COX7B2: variants seen among roughly 807,000 people sequenced by gnomAD.
The protein encoded by COX7B2 is cytochrome c oxidase subunit 7B2, mitochondrial.
For missense variants in COX7B2, 109 were observed against 95.9 expected, an observed-to-expected ratio of 1.14 and a Z score of -0.57; for synonymous variants, 37 against 32.1, an observed-to-expected ratio of 1.15 and a Z score of -0.51.
intron 2 of COX7B2, among the ~76,000 whole-genome samples, chr4:46,794,365 A>G (rs73139397): frequency 0.024 from 3,629 of 152,236 alleles, 132 homozygotes; most frequent in African/African-American, 0.083. Flanking sequence ...GGACCAAAAG[A>G]TGGTACACAG....
chr4:46,741,442 G>A (rs1714701653), intron 2 of COX7B2, among the ~76,000 whole-genome samples: 2 of 151,980 alleles, frequency 1.3e-5, no homozygotes, highest in South Asian at 4.1e-4. Flanking sequence ...CTTGCTAAAT[G>A]TTACCTAGGG....
chr4:46,900,302 C>A (rs1366739130), intron 1 of COX7B2, among the ~76,000 whole-genome samples: 2 of 152,154 alleles, frequency 1.3e-5, no homozygotes, highest in African/African-American at 4.8e-5. Context: ...TACCAAAGTG[C>A]TGGAGTTAGG....
chr4:46,816,333 G>A (rs116368473), intron 2 of COX7B2, among the ~76,000 whole-genome samples: 1,677 of 151,930 alleles, frequency 0.011, 20 homozygotes, highest in Middle Eastern at 0.041. Context: ...CTGTTCTCTC[G>A]GCCTTGAATG....
At chr4:46,816,385 A>G (rs930193256) in intron 2 of COX7B2, among the ~76,000 whole-genome samples, 13 of 152,138 alleles carry the variant, frequency 8.5e-5, no homozygotes, top group Non-Finnish European at 2.9e-5. Flanking sequence ...TCTAATGGCC[A>G]CTAAAATGCG....
rs114966496 is a variant in COX7B2 at position 46,773,704 on chromosome 4, G to T, written c.-49-38463C>A. ...TTGCTGGAATTTGAGCTGGGCTTCT[G>T]GATCTAATTTTTTAGAAAGAAGCTG... On this transcript the variant is annotated intron_variant, in intron 2 of 2. Transcript: ENST00000355591. Among the ~76,000 whole-genome samples the T allele has an allele frequency of 4.8e-3, 734 of 152,090 alleles. 10 individuals carry two copies. Among genetic ancestry groups the T allele is most frequent in the African/African-American group, 0.016 (682 of 41,502 alleles).
chr4:46,831,396 C>T (rs1449512824), intron 2 of COX7B2, among the ~76,000 whole-genome samples: 1 of 152,150 alleles, frequency 6.6e-6, no homozygotes, highest in African/African-American at 2.4e-5. Flanking sequence ...CTCCACGGCA[C>T]CCTGTCCCAT....
intron 1 of COX7B2, among the ~76,000 whole-genome samples, chr4:46,889,913 T>TC (rs1314707823): frequency 6.7e-6 from 1 of 150,142 alleles, no homozygotes; most frequent in East Asian, 1.9e-4. Context: ...TTTTTTTTTT[T>TC]CCTAATGTTT....
intron 2 of COX7B2, among the ~76,000 whole-genome samples, chr4:46,817,539 T>G (rs1719617680): frequency 6.6e-6 from 1 of 152,230 alleles, no homozygotes; most frequent in African/African-American, 2.4e-5. Flanking sequence ...ACCCTTTAAT[T>G]GGGCAACTTT....
chr4:46,760,251 T>A (rs181591284), intron 2 of COX7B2, among the ~76,000 whole-genome samples: 3 of 152,168 alleles, frequency 2.0e-5, no homozygotes, highest in Non-Finnish European at 4.4e-5. Context: ...TAAAGACACA[T>A]GAATACATAT....
chr4:46,770,945 C>T (rs919979559), intron 2 of COX7B2, among the ~76,000 whole-genome samples: 2 of 152,052 alleles, frequency 1.3e-5, no homozygotes, highest in Non-Finnish European at 2.9e-5. Flanking sequence ...CCCAAAAGCA[C>T]AGGCAATAAA....
intron 2 of COX7B2, among the ~76,000 whole-genome samples, chr4:46,780,556 A>G (rs1036988341): frequency 6.6e-6 from 1 of 152,190 alleles, no homozygotes; most frequent in Non-Finnish European, 1.5e-5. Context: ...CTGCTATCAG[A>G]TCCCTAACTA....
chr4:46,849,497 T>C (rs1200763761), intron 1 of COX7B2, among the ~76,000 whole-genome samples: 1 of 152,106 alleles, frequency 6.6e-6, no homozygotes, highest in Non-Finnish European at 1.5e-5. Flanking sequence ...TAATGGATAG[T>C]ATATGCTCAA....
At chr4:46,769,771 GA>G (rs1716764329) in intron 2 of COX7B2, among the ~76,000 whole-genome samples, 2 of 151,880 alleles carry the variant, frequency 1.3e-5, no homozygotes. Flanking sequence ...CTTAAATGCA[GA>G]AAAAAATTTT....
chr4:46,824,296 A>G (rs906245040), intron 2 of COX7B2, among the ~76,000 whole-genome samples: 1 of 152,086 alleles, frequency 6.6e-6, no homozygotes, highest in Non-Finnish European at 1.5e-5. Flanking sequence ...AGGAGGAGGG[A>G]CTCTTGCTCA....
At chr4:46,842,760 C>CA (rs1716019988) in intron 2 of COX7B2, among the ~76,000 whole-genome samples, 1 of 152,098 alleles carries the variant, frequency 6.6e-6, no homozygotes, top group Non-Finnish European at 1.5e-5. Flanking sequence ...CATAGTATTC[C>CA]ATGGTGTATA....
chr4:46,844,003 G>A (rs1316824075), intron 2 of COX7B2, among the ~76,000 whole-genome samples: 2 of 151,950 alleles, frequency 1.3e-5, no homozygotes, highest in East Asian at 3.9e-4. Context: ...ATATTTGCAA[G>A]TTATATCACC....
intron 1 of COX7B2, among the ~76,000 whole-genome samples, chr4:46,846,611 G>T (rs1193045809): frequency 6.6e-6 from 1 of 151,912 alleles, no homozygotes; most frequent in Admixed American, 6.6e-5. Flanking sequence ...GAGGGTACCT[G>T]AGCTGCTCAG....
At chr4:46,762,062 C>T (rs1199882517) in intron 2 of COX7B2, among the ~76,000 whole-genome samples, 1 of 150,688 alleles carries the variant, frequency 6.6e-6, no homozygotes, top group Non-Finnish European at 1.5e-5. Context: ...TGCAAACTTT[C>T]CTTGTTCCCT....
chr4:46,766,066 C>T (rs1398178473), intron 2 of COX7B2, among the ~76,000 whole-genome samples: 1 of 152,150 alleles, frequency 6.6e-6, no homozygotes, highest in East Asian at 1.9e-4. Context: ...AAGCACTCAG[C>T]CAGACCCTGT....
Sources: allele counts gnomAD v4.1 joint callset (sites outside exome capture counted in the v4.1 genomes callset), GRCh38; gene constraint gnomAD v4.1.1; transcripts MANE v1.5; gene names NCBI Gene and HGNC (gene_info 2026-07-23, HGNC 2026-07-21).